Variants in COL4A2 observed in about 807,000 individuals in gnomAD.
COL4A2 encodes the protein collagen type IV alpha 2 chain.
Under a neutral mutation model 200.2 loss-of-function variants are expected in COL4A2, and 99 were observed. The ratio of observed to expected loss-of-function variants is 0.49; its 90% CI spans 0.42 to 0.58. The LOEUF is 0.58. Among genes scored for constraint, COL4A2 ranks in the 20% least tolerant of loss-of-function variants. COL4A2 has a pLI of 0.00. For missense variants in COL4A2, 1,950 were observed against 2,314.1 expected, an observed-to-expected ratio of 0.84 and a Z score of 3.23; for synonymous variants, 897 against 900.6, an observed-to-expected ratio of 1.00 and a Z score of 0.07.
intron 6 of COL4A2, among the ~76,000 whole-genome samples, chr13:110,425,395 G>C (rs2139454667): frequency 6.6e-6 from 1 of 152,310 alleles, no homozygotes; most frequent in Non-Finnish European, 1.5e-5. Flanking sequence ...AGCTTCTCAA[G>C]TTCTTTACAG....
chr13:110,317,082 A>G (rs377340809), intron 3 of COL4A2, among the ~76,000 whole-genome samples: 1 of 151,706 alleles, frequency 6.6e-6, no homozygotes, highest in South Asian at 2.1e-4. Flanking sequence ...ACACACATGC[A>G]CCCAGCACAC....
intron 3 of COL4A2, among the ~76,000 whole-genome samples, chr13:110,346,035 C>A (rs1034452830): frequency 6.6e-6 from 1 of 152,140 alleles, no homozygotes; most frequent in Admixed American, 6.5e-5. Flanking sequence ...ATCTGGGCAA[C>A]CCCAGCCAGG....
chr13:110,317,803 G>A (rs1000401447), intron 3 of COL4A2, among the ~76,000 whole-genome samples: 1 of 152,194 alleles, frequency 6.6e-6, no homozygotes, highest in Non-Finnish European at 1.5e-5. Flanking sequence ...ATGTTTGGCT[G>A]TTGGAAAATT....
chr13:110,469,082 T>C (rs1882361773), intron 27 of COL4A2, 135 bp from the exon 28 acceptor site: 5 of 958,374 alleles, frequency 5.2e-6, no homozygotes. Context: ...GGAGGTGCTG[T>C]TTCAGGCTGA....
At chr13:110,312,007 G>A (rs1490765676) in intron 3 of COL4A2, among the ~76,000 whole-genome samples, 1 of 152,258 alleles carries the variant, frequency 6.6e-6, no homozygotes, top group East Asian at 1.9e-4. Context: ...GGTACAGGGA[G>A]GAGAGGTGTT....
chr13:110,323,325 C>T (rs1051889185), intron 3 of COL4A2, among the ~76,000 whole-genome samples: 4 of 152,178 alleles, frequency 2.6e-5, no homozygotes, highest in South Asian at 2.1e-4. Context: ...GGTGATGCCC[C>T]GATGCCTGGG....
At chr13:110,511,080 T>A (rs1884067656) in intron 47 of COL4A2, among the ~76,000 whole-genome samples, 1 of 152,110 alleles carries the variant, frequency 6.6e-6, no homozygotes, top group African/African-American at 2.4e-5. Flanking sequence ...ATATTTCTAT[T>A]CTAAGTAAAC....
chr13:110,332,130 G>C (rs1875947031), intron 3 of COL4A2, among the ~76,000 whole-genome samples: 1 of 151,978 alleles, frequency 6.6e-6, no homozygotes, highest in Non-Finnish European at 1.5e-5. Flanking sequence ...CATCCTTTTA[G>C]TCATTATACT....
chr13:110,436,354 C>T lies in COL4A2; in HGVS notation c.812C>T (p.Pro271Leu), dbSNP rs1351380678. The T allele has an allele frequency of 2.5e-6, 4 of 1,613,688 alleles. No individual in the cohort carries two copies. Among genetic ancestry groups the T allele is most frequent in the Non-Finnish European group, 1.7e-6 (2 of 1,179,996 alleles). The change falls in exon 13 of 48, where the codon CCA (proline) becomes CTA (leucine). Residue 271 changes from proline (P) to leucine (L), a missense_variant. Physicochemically the swap from Pro to Leu is moderately conservative, Grantham distance 98. Around this residue, in one of 2 missense-constraint regions of COL4A2, gnomAD observed 565 missense variants for 593.5 expected, o/e 0.95. Transcript: ENST00000360467. ...GCGCCCACAGGAGTCACCTTCCACCCAGATCAGTACAAGGTAAAGAGCAAA... is the reference window on the plus strand; with the variant it reads ...GCGCCCACAGGAGTCACCTTCCACCTAGATCAGTACAAGGTAAAGAGCAAA... ...IIAPTGVTFH[P>L]DQYKGEKGSE...
chr13:110,414,870 C>A (rs1340326772), intron 4 of COL4A2, among the ~76,000 whole-genome samples: 2 of 152,172 alleles, frequency 1.3e-5, no homozygotes, highest in East Asian at 3.8e-4. Context: ...TAAAATGAAT[C>A]CATACTCTAG....
rs766824658 is a variant in COL4A2, at chr13:110,504,250, C to T, written c.4388C>T (p.Pro1463Leu). The T allele has an allele frequency of 4.3e-6, 7 of 1,613,626 alleles. No individual in the cohort carries two copies. The highest frequency in any genetic ancestry group is 2.2e-5 in the East Asian group (1 of 44,864). The change falls in exon 45 of 48, where the codon CCG (proline) becomes CTG (leucine). Residue 1463 changes from proline to leucine, a missense_variant. Physicochemically the swap from Pro to Leu is moderately conservative, Grantham distance 98 (BLOSUM62 -3). This residue lies in a region of COL4A2 where 1,385 missense variants were observed against 1,720.5 expected (regional missense o/e 0.80). Coordinates refer to ENST00000360467, the MANE Select transcript of COL4A2 (RefSeq NM_001846.4). ...GDEGPIGHQG[P>L]IGQEGAPGRP... ...GAAGGACCCATAGGCCACCAGGGGC[C>T]GATTGGCCAAGAAGGTGAGTGACAG...
At chr13:110,317,126 C>T (rs576836194) in intron 3 of COL4A2, among the ~76,000 whole-genome samples, 1 of 151,014 alleles carries the variant, frequency 6.6e-6, no homozygotes, top group East Asian at 2.1e-4. Flanking sequence ...TATAGACACA[C>T]TTGCACCCCA....
intron 39 of COL4A2, 51 bp from the exon 40 acceptor site, chr13:110,495,291 A>G: frequency 6.2e-7 from 1 of 1,612,766 alleles, no homozygotes; most frequent in South Asian, 1.1e-5. Context: ...AGGAAAGTCA[A>G]CTGTATGGTT....
Position 110,385,039 on chromosome 13 carries a change from C to T in COL4A2, c.180+27487C>T, listed in dbSNP as rs993882611. 5.9e-5 allele frequency among the ~76,000 whole-genome samples: 9 copies of T among 152,134 alleles called. No homozygotes were observed. The East Asian group carries it at 9.7e-4, about 16-fold the overall frequency. On this transcript the variant is annotated intron_variant, in intron 4 of 47. Coordinates refer to ENST00000360467, the MANE Select transcript of COL4A2 (RefSeq NM_001846.4). ...TAGCACTTTGGGAGGCTGAGGCAGG[C>T]GGATCACGAGGTCAGGAGATCGAGA... is the stretch of plus-strand genomic sequence containing the variant.
At chr13:110,493,940 AAC>A (rs1883370639) in intron 39 of COL4A2, among the ~76,000 whole-genome samples, 1 of 152,144 alleles carries the variant, frequency 6.6e-6, no homozygotes, top group South Asian at 2.1e-4. Flanking sequence ...GACCTGGCCT[AAC>A]CCTAATCACC....
rs1878808621 is a variant in COL4A2, at chr13:110,387,550, C to CCGAGGAGGCAGCCCAGCAGT, written c.180+30001_180+30020dup. On this transcript the variant is annotated intron_variant, in intron 4 of 47. Coordinates refer to ENST00000360467, the MANE Select transcript of COL4A2 (RefSeq NM_001846.4). ...CCGTCCCCTGCAGTCTCACACCTGC[C>CCGAGGAGGCAGCCCAGCAGT]CGAGGAGGCAGCCCAGCAGTCGGGG... Among the ~76,000 whole-genome samples, 9 of 152,358 alleles carry CCGAGGAGGCAGCCCAGCAGT rather than the reference C, an allele frequency of 5.9e-5. No individual in the cohort carries two copies. In the East Asian group the frequency reaches 1.7e-3, roughly 29 times the overall value.
rs866558407 is a variant in COL4A2 at position 110,477,959 on chromosome 13, A to G, written c.2426-44A>G. 18 of 1,427,736 alleles carry G rather than the reference A, an allele frequency of 1.3e-5. No homozygotes were observed. The African/African-American group carries it at 2.2e-4, about 17-fold the overall frequency. The allele number at this position is 1,427,736 out of a possible 1,614,324, so 88.4% of individuals were successfully genotyped here. A position where few individuals can be genotyped will look rare whatever the true frequency, so the allele number is the denominator to read the frequency against. On this transcript the variant is annotated intron_variant, in intron 29 of 47. Coordinates refer to ENST00000360467, the MANE Select transcript of COL4A2 (RefSeq NM_001846.4). ...GAGGGAGATGCTGTCTGTGATGAAC[A>G]GTCCAGAGTTGGCCCCCACAGCTCT...
intron 3 of COL4A2, among the ~76,000 whole-genome samples, chr13:110,311,126 T>TC (rs1046179224): frequency 1.3e-5 from 2 of 151,928 alleles, no homozygotes; most frequent in Non-Finnish European, 2.9e-5. Context: ...AAGGAGGCTC[T>TC]CCCCCTCCTT....
At chr13:110,390,247 G>A (rs571270130) in intron 4 of COL4A2, among the ~76,000 whole-genome samples, 1 of 152,210 alleles carries the variant, frequency 6.6e-6, no homozygotes, top group Non-Finnish European at 1.5e-5. Context: ...CCCCTCCAAA[G>A]TGGGTTTCTA....
Sources: gnomAD v4.1 joint callset for allele counts (sites outside exome capture counted in the v4.1 genomes callset) on GRCh38, gnomAD v4.1.1 for gene constraint, gnomAD v4.1.1 regional missense constraint, MANE v1.5 for transcripts, NCBI Gene and HGNC (gene_info 2026-07-23, HGNC 2026-07-21) for gene names.